POLR3A: variants seen among roughly 807,000 people sequenced by gnomAD.
POLR3A encodes the protein RNA polymerase III subunit A.
A neutral mutation model predicts 152.8 loss-of-function variants in POLR3A; 112 were observed. The ratio of observed to expected loss-of-function variants is 0.73; its 90% CI spans 0.63 to 0.86. The LOEUF is 0.86. Ranked by LOEUF, POLR3A falls within the 40% of genes least tolerant of loss-of-function variation. The probability of loss-of-function intolerance (pLI) is 0.00; values close to 1 mark genes in which losing one functional copy is unlikely to be tolerated. For synonymous variants in POLR3A, 615 were observed against 652.1 expected (o/e 0.94, Z 0.87); for missense variants, 1,385 against 1,743.1 (o/e 0.79, Z 3.66).
At chr10:77,979,503 T>A (rs945448271) in intron 30 of POLR3A, among the ~76,000 whole-genome samples, 1 of 152,116 alleles carries the variant, frequency 6.6e-6, no homozygotes, top group Non-Finnish European at 1.5e-5. Context: ...TGGGGAGAGT[T>A]CCCCTCGTGC....
At position 78,002,291 on chromosome 10, in the gene POLR3A, C is replaced by A. The variant is rs1847365155; in HGVS notation, c.2265G>T (p.Glu755Asp). 1 of 1,601,170 alleles carries A rather than the reference C, an allele frequency of 6.2e-7. No homozygotes were observed. The highest frequency in any genetic ancestry group is 8.5e-7 in the Non-Finnish European group (1 of 1,174,310). ...EETLEALILKELSVIRDHAGS... is the reference protein window; with the variant it reads ...EETLEALILKDLSVIRDHAGS... ...CAGCGTGGTCACGGATCACAGACAG[C>A]TCCTTCAGGATCAGTGCCTAGTGGG... The change falls in exon 17 of 31, where the codon GAG becomes GAT. Residue 755 changes from glutamate (E) to aspartate (D), a missense_variant. Coordinates refer to ENST00000372371, the MANE Select transcript of POLR3A (RefSeq NM_007055.4).
chr10:78,006,644 G>A (rs1222632030), intron 15 of POLR3A, among the ~76,000 whole-genome samples: 1 of 151,922 alleles, frequency 6.6e-6, no homozygotes, highest in East Asian at 1.9e-4. Context: ...GAAAGTAAAA[G>A]AGAGAAAATT....
chr10:78,001,595 T>C (rs1320037680), intron 17 of POLR3A, among the ~76,000 whole-genome samples: 2 of 152,268 alleles, frequency 1.3e-5, no homozygotes, highest in East Asian at 3.9e-4. Flanking sequence ...ACAGAGGTTT[T>C]GAATTTGAAT....
intron 16 of POLR3A, among the ~76,000 whole-genome samples, chr10:78,002,635 G>A (rs1264076314): frequency 6.6e-6 from 1 of 152,100 alleles, no homozygotes; most frequent in East Asian, 1.9e-4. Flanking sequence ...GGGCTCAAGT[G>A]ATCCTCCTGC....
At chr10:78,024,929 G>A in intron 4 of POLR3A, 42 bp downstream of exon 4, 1 of 1,602,788 alleles carries the variant, frequency 6.2e-7, no homozygotes, top group Non-Finnish European at 8.5e-7. Flanking sequence ...AAGACAGTGA[G>A]TGAAAAGGGC....
In POLR3A at chr10:77,975,701, A is replaced by T. The variant is rs889363354; in HGVS notation, c.*1777T>A. The T allele has an allele frequency of 6.6e-6, 1 of 151,848 alleles. No homozygotes were observed. The highest frequency in any genetic ancestry group is 2.4e-5 in the African/African-American group (1 of 41,436). The allele number at this position is 151,848 out of a possible 1,614,324, so 9.4% of individuals were successfully genotyped here. A position where few individuals can be genotyped will look rare whatever the true frequency, so the allele number is the denominator to read the frequency against. The stretch of plus-strand genomic sequence containing the variant: ...CATTTAAAGTGTGCGTCACCCGCAG[A>T]AGACAACAGGTGCCGGAGTTCACTC... On this transcript the variant is annotated 3_prime_UTR_variant, in exon 31 of 31. Coordinates refer to ENST00000372371, the MANE Select transcript of POLR3A (RefSeq NM_007055.4).
chr10:77,998,624 T>C (rs1321745665), intron 19 of POLR3A, among the ~76,000 whole-genome samples: 2 of 152,214 alleles, frequency 1.3e-5, no homozygotes, highest in Admixed American at 1.3e-4. Context: ...CCAGTTAGAA[T>C]GGCGATCATT....
At chr10:77,992,485 C>G (rs987315155) in intron 20 of POLR3A, among the ~76,000 whole-genome samples, 2 of 138,578 alleles carry the variant, frequency 1.4e-5, no homozygotes, top group Non-Finnish European at 3.0e-5. Flanking sequence ...GCTCTGTTGC[C>G]AGGTTGGAGT....
intron 1 of POLR3A, among the ~76,000 whole-genome samples, chr10:78,028,045 G>A (rs534813359): frequency 4.6e-5 from 7 of 152,214 alleles, no homozygotes; most frequent in African/African-American, 7.2e-5. Flanking sequence ...CTGTTCTAGT[G>A]AATGGCAACC....
chr10:78,000,182 C>A, intron 18 of POLR3A, 64 bp from the exon 19 acceptor site: 1 of 1,469,482 alleles, frequency 6.8e-7, no homozygotes, highest in East Asian at 2.3e-5. Flanking sequence ...ATTCTGAAAT[C>A]CACTCAAATC....
At chr10:78,029,302 C>T in intron 1 of POLR3A, 62 bp downstream of exon 1, 1 of 1,557,314 alleles carries the variant, frequency 6.4e-7, no homozygotes, top group Non-Finnish European at 8.9e-7. Flanking sequence ...AGACCCGGGA[C>T]CGCTGACCTC....
chr10:77,985,973 A>G lies in POLR3A; in HGVS notation c.3001T>C (p.Tyr1001His). 1.2e-6 allele frequency: 2 copies of G among 1,614,086 alleles called. No individual in the cohort carries two copies. Among genetic ancestry groups the G allele is most frequent in the Non-Finnish European group, 1.7e-6 (2 of 1,179,990 alleles). Residue 1001 changes from tyrosine (Y) to histidine (H), a missense_variant, in exon 23 of 31, where the codon TAC becomes CAC. By Grantham distance (83) the Tyr-to-His change is moderately conservative. Around this residue, in one of 7 missense-constraint regions of POLR3A, gnomAD observed 178 missense variants for 204.6 expected, o/e 0.87. Transcript: ENST00000372371. ...DNGTTEPRVL[Y>H]QLDRITPTQV... ...GTGGGGGTGATGCGGTCCAGCTGGT[A>G]CAGCACACGGGGCTGGGAGAATACA...
chr10:77,980,765 G>A (rs1002874727), intron 29 of POLR3A, among the ~76,000 whole-genome samples: 29 of 152,114 alleles, frequency 1.9e-4, no homozygotes, highest in African/African-American at 5.8e-4. Flanking sequence ...AGTTTCCTGC[G>A]ACTAAAGCAA....
At position 78,015,405 on chromosome 10, in the gene POLR3A, G is replaced by A. The variant is rs925566339; in HGVS notation, c.1432-1615C>T. On this transcript the variant is annotated intron_variant, in intron 10 of 30. Coordinates refer to ENST00000372371, the MANE Select transcript of POLR3A (RefSeq NM_007055.4). ...TGCAGTGGCGCAATCTCGGCTCACTGCAACCTCTGCCTCCTGGGTTCAAGC... is the reference window on the plus strand; with the variant it reads ...TGCAGTGGCGCAATCTCGGCTCACTACAACCTCTGCCTCCTGGGTTCAAGC... Among the ~76,000 whole-genome samples the A allele has an allele frequency of 6.7e-5, 10 of 150,018 alleles. No individual in the cohort carries two copies. The South Asian group carries it at 8.5e-4, about 13-fold the overall frequency.
rs1194278267 is a variant in POLR3A, at chr10:77,993,203, G to A, written c.2781C>T (p.Asn927=). The A allele has an allele frequency of 6.2e-7, 1 of 1,612,604 alleles. No homozygotes were observed. Among genetic ancestry groups the A allele is most frequent in the Non-Finnish European group, 8.5e-7 (1 of 1,178,640 alleles). ...EPLEFKRVLD[N]IKAVFPCPSE... ...ATATAATGCTAAATCTTACTTTGAT[G>A]TTGTCCAGAACCCTTTTAAACTCCA... The change falls in exon 20 of 31, where the codon AAC becomes AAT. Residue 927 remains asparagine, a synonymous_variant. Transcript: ENST00000372371.
rs776399049 is a variant in POLR3A, at chr10:77,985,292, G to A, written c.3120C>T (p.Ser1040=). ...TCATCTGGGTGCCTGGCTCACCAAT[G>A]CTCTGGGCACACAGAGCACCCACTG... is the stretch of plus-strand genomic sequence containing the variant. ...GSAVGALCAQ[S]IGEPGTQMTL... The change falls in exon 24 of 31, where the codon AGC becomes AGT. Residue 1040 remains serine, a synonymous_variant. Coordinates refer to ENST00000372371, the MANE Select transcript of POLR3A (RefSeq NM_007055.4). 4 of 1,614,076 alleles carry A rather than the reference G, an allele frequency of 2.5e-6. No individual in the cohort carries two copies. The highest frequency in any genetic ancestry group is 2.2e-5 in the South Asian group (2 of 91,082).
At chr10:78,026,259 C>A in intron 1 of POLR3A, 30 bp from the exon 2 acceptor site, 1 of 1,613,690 alleles carries the variant, frequency 6.2e-7, no homozygotes, top group Non-Finnish European at 8.5e-7. Flanking sequence ...GTGAAAATTA[C>A]AGCAAAATCT....
At chr10:78,022,752 T>C (rs1847592121) in intron 5 of POLR3A, among the ~76,000 whole-genome samples, 2 of 152,208 alleles carry the variant, frequency 1.3e-5, no homozygotes, top group African/African-American at 4.8e-5. Flanking sequence ...TGACAGTTTA[T>C]TGGCTAAATA....
intron 21 of POLR3A, among the ~76,000 whole-genome samples, chr10:77,988,552 C>T (rs965275125): frequency 2.6e-5 from 4 of 151,980 alleles, no homozygotes; most frequent in Non-Finnish European, 5.9e-5. Flanking sequence ...TCTCAAGAAA[C>T]TCTTTTTAAA....
Sources: gnomAD v4.1 joint callset for allele counts (sites outside exome capture counted in the v4.1 genomes callset) on GRCh38, gnomAD v4.1.1 for gene constraint, gnomAD v4.1.1 regional missense constraint, MANE v1.5 for transcripts, NCBI Gene and HGNC (gene_info 2026-07-23, HGNC 2026-07-21) for gene names.